Variants in RALGAPA1 observed in about 807,000 individuals in gnomAD.
The protein encoded by RALGAPA1 is ral GTPase-activating protein subunit alpha-1.
A neutral mutation model predicts 269.6 loss-of-function variants in RALGAPA1; 52 were observed. The observed-to-expected ratio is 0.19, with a 90% CI of 0.15 to 0.24. The LOEUF (loss-of-function observed/expected upper bound fraction) is 0.24, where lower values mean the gene tolerates loss of function less well. Ranked by LOEUF, RALGAPA1 falls within the 10% of genes least tolerant of loss-of-function variation. The pLI is 1.00. For missense variants in RALGAPA1, 1,917 were observed against 3,013.9 expected (o/e 0.64, Z 8.52); for synonymous variants, 817 against 1,008.3 (o/e 0.81, Z 3.60).
intron 39 of RALGAPA1, among the ~76,000 whole-genome samples, chr14:35,565,260 T>G (rs2056596137): frequency 6.6e-6 from 1 of 150,830 alleles, no homozygotes; most frequent in Non-Finnish European, 1.5e-5. Context: ...TTATGTAAAC[T>G]TGGCTGGGTC....
At chr14:35,579,433 A>C (rs1566734569) in intron 37 of RALGAPA1, among the ~76,000 whole-genome samples, 1 of 152,128 alleles carries the variant, frequency 6.6e-6, no homozygotes, top group East Asian at 1.9e-4. Context: ...GATCGAGACC[A>C]TCCTGGCAAA....
At chr14:35,583,162 T>C (rs2058059975) in intron 37 of RALGAPA1, among the ~76,000 whole-genome samples, 1 of 152,066 alleles carries the variant, frequency 6.6e-6, no homozygotes, top group Non-Finnish European at 1.5e-5. Flanking sequence ...GACCAGGAAT[T>C]TAAAACAACT....
Position 35,808,858 on chromosome 14 carries a change from C to T in RALGAPA1, c.-23G>A. 6.2e-7 allele frequency: 1 copy of T among 1,601,198 alleles called. No individual in the cohort carries two copies. Among genetic ancestry groups the T allele is most frequent in the Non-Finnish European group, 8.5e-7 (1 of 1,174,858 alleles). On this transcript the variant is annotated 5_prime_UTR_variant, in exon 1 of 42. Transcript: ENST00000680220. ...CATCCTGTCGCTGCCACTGCCACTGCCACTGCCACAGCCGGCTCCCAGCCG... is the reference window on the plus strand; with the variant it reads ...CATCCTGTCGCTGCCACTGCCACTGTCACTGCCACAGCCGGCTCCCAGCCG...
chr14:35,544,849 T>G (rs2054310301), intron 41 of RALGAPA1, among the ~76,000 whole-genome samples: 1 of 152,074 alleles, frequency 6.6e-6, no homozygotes, highest in African/African-American at 2.4e-5. Flanking sequence ...GAGTTTGAGA[T>G]CAGCCTGGCC....
At chr14:35,738,117 C>T (rs1222809935) in intron 12 of RALGAPA1, among the ~76,000 whole-genome samples, 1 of 150,776 alleles carries the variant, frequency 6.6e-6, no homozygotes, top group Non-Finnish European at 1.5e-5. Flanking sequence ...CACTGTAGTA[C>T]TATTTGGAAT....
intron 35 of RALGAPA1, among the ~76,000 whole-genome samples, chr14:35,624,572 GGCAGAAA>G (rs1218676921): frequency 6.6e-6 from 1 of 151,960 alleles, no homozygotes; most frequent in African/African-American, 2.4e-5. Context: ...AGGCAGAGAT[GGCAGAAA>G]GCAGAAGTAC....
chr14:35,687,731 A>G (rs1469330962), intron 18 of RALGAPA1, among the ~76,000 whole-genome samples: 2 of 152,238 alleles, frequency 1.3e-5, no homozygotes, highest in Non-Finnish European at 2.9e-5. Context: ...CCATATTTAA[A>G]TCATGAGTGG....
chr14:35,735,158 C>A (rs2070864323), intron 12 of RALGAPA1, among the ~76,000 whole-genome samples: 1 of 152,036 alleles, frequency 6.6e-6, no homozygotes, highest in East Asian at 1.9e-4. Context: ...TGTGGAGATT[C>A]TTTAAAGAAC....
At chr14:35,581,328 C>T (rs1490063948) in intron 37 of RALGAPA1, among the ~76,000 whole-genome samples, 1 of 152,000 alleles carries the variant, frequency 6.6e-6, no homozygotes, top group Non-Finnish European at 1.5e-5. Context: ...ATAGAGAAAT[C>T]AATGTTTATA....
chr14:35,728,433 T>C lies in RALGAPA1; in HGVS notation c.1665A>G (p.Thr555=). The C allele has an allele frequency of 6.2e-7, 1 of 1,609,034 alleles. No homozygotes were observed. Among genetic ancestry groups the C allele is most frequent in the Non-Finnish European group, 8.5e-7 (1 of 1,178,246 alleles). Residue 555 remains threonine, a synonymous_variant, in exon 13 of 42, where the codon ACA becomes ACG. Coordinates refer to ENST00000680220, the MANE Select transcript of RALGAPA1 (RefSeq NM_001346249.2). ...TGTTAAGAATGCGTTTACACATATC[T>C]GTGTGTTCATCCAGAAGATTTTTTA... is the stretch of plus-strand genomic sequence containing the variant. ...NEIKNLLDEH[T]DMCKRILNIY...
At chr14:35,751,353 G>A (rs1471189704) in intron 8 of RALGAPA1, among the ~76,000 whole-genome samples, 2 of 152,278 alleles carry the variant, frequency 1.3e-5, no homozygotes, top group South Asian at 4.1e-4. Context: ...CATATGGGGG[G>A]ACCTTAAAAA....
At chr14:35,661,666 T>C (rs557931510) in intron 27 of RALGAPA1, among the ~76,000 whole-genome samples, 13 of 152,186 alleles carry the variant, frequency 8.5e-5, no homozygotes, top group Non-Finnish European at 1.6e-4. Context: ...TCAATAAGCA[T>C]TTGTCAGTCA....
chr14:35,755,729 A>G (rs2073110093), intron 7 of RALGAPA1, among the ~76,000 whole-genome samples: 1 of 152,198 alleles, frequency 6.6e-6, no homozygotes, highest in South Asian at 2.1e-4. Context: ...ATAAGGACAC[A>G]GAAACACTAA....
At chr14:35,727,294 G>T (rs553034913) in intron 13 of RALGAPA1, among the ~76,000 whole-genome samples, 12 of 124,764 alleles carry the variant, frequency 9.6e-5, no homozygotes, top group African/African-American at 3.7e-4. Flanking sequence ...TACAGGACTG[G>T]TTAAGAAAAT....
chr14:35,688,600 C>T lies in RALGAPA1; in HGVS notation c.3811G>A (p.Gly1271Ser). 1.3e-6 allele frequency: 2 copies of T among 1,535,614 alleles called. No homozygotes were observed. The highest frequency in any genetic ancestry group is 1.7e-6 in the Non-Finnish European group (2 of 1,146,796). Reference protein sequence around the residue: ...EAGLQQGSLGGVYKTVVHALS... With the variant: ...EAGLQQGSLGSVYKTVVHALS... ...GCATGTACAACAGTTTTATAAACGC[C>T]ACCCAGGGAGCCCTGCTGTAGTCCT... The change falls in exon 18 of 42, where the codon GGC becomes AGC. Residue 1271 changes from glycine to serine, a missense_variant. By Grantham distance (56) the Gly-to-Ser change is moderately conservative (BLOSUM62 0). This residue lies in a region of RALGAPA1 where 615 missense variants were observed against 790.0 expected (regional missense o/e 0.78). Coordinates refer to ENST00000680220, the MANE Select transcript of RALGAPA1 (RefSeq NM_001346249.2).
At chr14:35,681,364 C>T (rs1474375575) in intron 21 of RALGAPA1, among the ~76,000 whole-genome samples, 1 of 151,956 alleles carries the variant, frequency 6.6e-6, no homozygotes, top group African/African-American at 2.4e-5. Context: ...CCAGGAGAGA[C>T]CTAAAAATAG....
At chr14:35,653,012 A>C (rs968335218) in intron 30 of RALGAPA1, among the ~76,000 whole-genome samples, 4 of 152,188 alleles carry the variant, frequency 2.6e-5, no homozygotes, top group Non-Finnish European at 5.9e-5. Flanking sequence ...ATACAGAAAA[A>C]GGCTTTACTC....
chr14:35,540,907 T>C (rs1175683394), intron 41 of RALGAPA1, among the ~76,000 whole-genome samples: 2 of 152,208 alleles, frequency 1.3e-5, no homozygotes, highest in Admixed American at 1.3e-4. Context: ...AGCACTTTCA[T>C]ATCTATGAAA....
At chr14:35,554,606 A>T (rs2055408294) in intron 39 of RALGAPA1, among the ~76,000 whole-genome samples, 1 of 151,908 alleles carries the variant, frequency 6.6e-6, no homozygotes, top group Non-Finnish European at 1.5e-5. Flanking sequence ...TCGGCCTCCC[A>T]AAGTGCTGGG....
Sources: allele counts gnomAD v4.1 joint callset (sites outside exome capture counted in the v4.1 genomes callset), GRCh38; gene constraint gnomAD v4.1.1; regional missense constraint gnomAD v4.1.1; transcripts MANE v1.5; gene names NCBI Gene and HGNC (gene_info 2026-07-23, HGNC 2026-07-21).